The following ZC2HC1A variants were observed in gnomAD, a reference collection of about 807,000 sequenced individuals.
ZC2HC1A encodes the protein zinc finger C2HC domain-containing protein 1A.
ZC2HC1A carries 28 observed loss-of-function variants against 40.7 expected under a neutral mutation model. The ratio of observed to expected loss-of-function variants is 0.69; its 90% confidence interval spans 0.51 to 0.94. ZC2HC1A has a LOEUF of 0.94. Among genes scored for constraint, ZC2HC1A ranks in the 40% least tolerant of loss-of-function variants. The probability of loss-of-function intolerance (pLI) is 0.00; values close to 1 mark genes in which losing one functional copy is unlikely to be tolerated. For missense variants in ZC2HC1A, 389 were observed against 386.3 expected (o/e 1.01, Z -0.06); for synonymous variants, 129 against 129.2 (o/e 1.00, Z 0.01).
At chr8:78,689,752 C>A (rs1387459588) in intron 5 of ZC2HC1A, among the ~76,000 whole-genome samples, 1 of 152,068 alleles carries the variant, frequency 6.6e-6, no homozygotes, top group East Asian at 1.9e-4. Context: ...TTCTCCCATC[C>A]TGTGACTTGG....
intron 7 of ZC2HC1A, among the ~76,000 whole-genome samples, chr8:78,710,783 CATTT>C (rs766176743): frequency 3.1e-4 from 47 of 151,982 alleles, no homozygotes; most frequent in Non-Finnish European, 6.2e-4. Flanking sequence ...TTACTTAATA[CATTT>C]ATTTAATGAA....
Position 78,719,300 on chromosome 8 carries a change from A to G in ZC2HC1A, c.*1807A>G, listed in dbSNP as rs1386186708. The stretch of plus-strand genomic sequence containing the variant: ...AAGGATAGATAAATAATTGGCACAC[A>G]TTTGTTTCTCACTGAATTTTACAGT... On this transcript the variant is annotated 3_prime_UTR_variant, in exon 9 of 9. Coordinates refer to ENST00000263849, the MANE Select transcript of ZC2HC1A (RefSeq NM_016010.3). The G allele has an allele frequency of 6.6e-6, 1 of 151,722 alleles. No homozygotes were observed. The highest frequency in any genetic ancestry group is 1.9e-4 in the East Asian group (1 of 5,188). 9.4% of individuals were successfully genotyped at this position (151,722 alleles called of 1,614,324 possible). A position where few individuals can be genotyped will look rare whatever the true frequency, so the allele number is the denominator to read the frequency against.
intron 2 of ZC2HC1A, 110 bp from the exon 3 acceptor site, chr8:78,678,453 G>C: frequency 1.3e-6 from 1 of 761,650 alleles, no homozygotes; most frequent in Non-Finnish European, 2.1e-6. Context: ...TTGTATTCAG[G>C]TTTTTCATTT....
At chr8:78,685,293 C>T (rs1809933863) in intron 3 of ZC2HC1A, among the ~76,000 whole-genome samples, 1 of 152,088 alleles carries the variant, frequency 6.6e-6, no homozygotes, top group Non-Finnish European at 1.5e-5. Flanking sequence ...CAATTTGTCA[C>T]TCCACACAGC....
intron 3 of ZC2HC1A, among the ~76,000 whole-genome samples, chr8:78,680,356 C>T (rs1206046953): frequency 6.7e-6 from 1 of 149,456 alleles, no homozygotes; most frequent in African/African-American, 2.5e-5. Flanking sequence ...TGGTTTATTG[C>T]CTTGTTACCT....
chr8:78,696,217 G>A (rs1810407795), intron 5 of ZC2HC1A, among the ~76,000 whole-genome samples: 1 of 152,020 alleles, frequency 6.6e-6, no homozygotes, highest in Non-Finnish European at 1.5e-5. Context: ...TGTATTTTTA[G>A]TAGAGACGGG....
At chr8:78,698,613 T>A (rs1483271070) in intron 7 of ZC2HC1A, 100 bp downstream of exon 7, 4 of 887,836 alleles carry the variant, frequency 4.5e-6, no homozygotes, top group Non-Finnish European at 6.4e-6. Flanking sequence ...CTTCATTTCC[T>A]AAGTTCATTT....
chr8:78,671,583 G>A (rs1809439706), intron 1 of ZC2HC1A, among the ~76,000 whole-genome samples: 1 of 152,134 alleles, frequency 6.6e-6, no homozygotes, highest in African/African-American at 2.4e-5. Flanking sequence ...ATTTTTATAT[G>A]TAATAATTGA....
intron 5 of ZC2HC1A, among the ~76,000 whole-genome samples, chr8:78,693,308 C>A (rs1297057425): frequency 1.3e-5 from 2 of 151,250 alleles, no homozygotes; most frequent in Non-Finnish European, 3.0e-5. Context: ...AATCACCACA[C>A]TGACTTCCAC....
At position 78,666,766 on chromosome 8, in the gene ZC2HC1A, G is replaced by A. The variant is rs540651994; in HGVS notation, c.16+602G>A. On this transcript the variant is annotated intron_variant, in intron 1 of 8. Coordinates refer to ENST00000263849, the MANE Select transcript of ZC2HC1A (RefSeq NM_016010.3). ...CGGAGGATTTGATGACTTATTCACGGCCGCTGTGTGAGGAAGAGCCTGTAT... is the reference window on the plus strand; with the variant it reads ...CGGAGGATTTGATGACTTATTCACGACCGCTGTGTGAGGAAGAGCCTGTAT... 7.2e-5 allele frequency among the ~76,000 whole-genome samples: 11 copies of A among 152,268 alleles called. No homozygotes were observed. The South Asian group carries it at 2.3e-3, about 32-fold the overall frequency.
At chr8:78,693,113 T>G (rs1810268757) in intron 5 of ZC2HC1A, among the ~76,000 whole-genome samples, 1 of 152,144 alleles carries the variant, frequency 6.6e-6, no homozygotes, top group Non-Finnish European at 1.5e-5. Flanking sequence ...TGCCACATTT[T>G]CTTAATCCAG....
chr8:78,707,999 G>A (rs1810831016), intron 7 of ZC2HC1A, among the ~76,000 whole-genome samples: 1 of 151,874 alleles, frequency 6.6e-6, no homozygotes, highest in Non-Finnish European at 1.5e-5. Context: ...AAAATTTTTG[G>A]TTAAGTGAAA....
chr8:78,690,107 A>G (rs1422990060), intron 5 of ZC2HC1A, among the ~76,000 whole-genome samples: 6 of 152,238 alleles, frequency 3.9e-5, no homozygotes. Flanking sequence ...AATCAGATGA[A>G]TATAAATGTA....
At chr8:78,708,278 C>T (rs546683582) in intron 7 of ZC2HC1A, among the ~76,000 whole-genome samples, 1 of 152,190 alleles carries the variant, frequency 6.6e-6, no homozygotes, top group East Asian at 1.9e-4. Context: ...TATTGTAGTC[C>T]ACTTTAATCA....
chr8:78,686,570 G>A lies in ZC2HC1A; in HGVS notation c.314G>A (p.Gly105Asp). Reference protein sequence around the residue: ...KGLDQALKEGGKLPPPPPPSY... With the variant: ...KGLDQALKEGDKLPPPPPPSY... ...CTTGATCAGGCCCTCAAAGAGGGTG[G>A]CAAACTTCCTCCTCCTCCTCCACCT... The change falls in exon 4 of 9, where the codon GGC (glycine) becomes GAC (aspartate). Residue 105 changes from glycine to aspartate, a missense_variant. By Grantham distance (94) the Gly-to-Asp change is moderately conservative. Transcript: ENST00000263849. The A allele has an allele frequency of 6.5e-7, 1 of 1,535,222 alleles. No individual in the cohort carries two copies. Among genetic ancestry groups the A allele is most frequent in the Non-Finnish European group, 8.8e-7 (1 of 1,140,390 alleles).
chr8:78,677,562 T>G (rs1415944672), intron 2 of ZC2HC1A, among the ~76,000 whole-genome samples: 1 of 152,180 alleles, frequency 6.6e-6, no homozygotes, highest in African/African-American at 2.4e-5. Flanking sequence ...AAACTACTAC[T>G]CTTACATTAA....
Position 78,676,538 on chromosome 8 carries a change from A to G in ZC2HC1A, c.93+675A>G, listed in dbSNP as rs2070209858. Among the ~76,000 whole-genome samples, 4 of 152,124 alleles carry G rather than the reference A, an allele frequency of 2.6e-5. No homozygotes were observed. The East Asian group carries it at 5.8e-4, about 22-fold the overall frequency. On this transcript the variant is annotated intron_variant, in intron 2 of 8. Transcript: ENST00000263849. ...ATTTTAACTTCAAACACAAATACAC[A>G]TTTATTAATACTTTAATGTAAGACA...
At position 78,698,514 on chromosome 8, in the gene ZC2HC1A, G is replaced by T. The variant is rs1810504732; in HGVS notation, c.704+1G>T. On this transcript the variant is annotated splice_donor_variant, in intron 7 of 8. Coordinates refer to ENST00000263849, the MANE Select transcript of ZC2HC1A (RefSeq NM_016010.3). LOFTEE classifies it high-confidence loss of function. ...AAGGGATAGCAGCCCCTCATGCAGG[G>T]TAAGTCTACACTGGATATAATTATT... is the stretch of plus-strand genomic sequence containing the variant. 1 of 1,596,426 alleles carries T rather than the reference G, an allele frequency of 6.3e-7. No homozygotes were observed.
chr8:78,710,154 G>A (rs1283744525), intron 7 of ZC2HC1A, among the ~76,000 whole-genome samples: 1 of 152,138 alleles, frequency 6.6e-6, no homozygotes, highest in African/African-American at 2.4e-5. Context: ...ATAAAATCTT[G>A]ATTGTTATTG....
Sources: gnomAD v4.1 joint callset for allele counts (sites outside exome capture counted in the v4.1 genomes callset) on GRCh38, gnomAD v4.1.1 for gene constraint, MANE v1.5 for transcripts, NCBI Gene and HGNC (gene_info 2026-07-23, HGNC 2026-07-21) for gene names.